Variants in SBK2 observed in about 807,000 individuals in gnomAD.
The protein encoded by SBK2 is SH3 domain binding kinase family member 2.
A neutral mutation model predicts 15.9 loss-of-function variants in SBK2; 18 were observed. That is an observed-to-expected ratio of 1.13 (90% confidence interval 0.78 to 1.68). The LOEUF is 1.68. Ranked by LOEUF, SBK2 falls within the 40% of genes most tolerant of loss-of-function variation. The pLI, the probability that SBK2 is intolerant of heterozygous loss-of-function variation, is 0.00. For missense variants in SBK2, 581 were observed against 510.9 expected, an observed-to-expected ratio of 1.14 and a Z score of -1.32; for synonymous variants, 284 against 246.8, an observed-to-expected ratio of 1.15 and a Z score of -1.41.
Position 55,533,656 on chromosome 19 carries a change from T to C in SBK2, c.254-2311A>G. Among the ~76,000 whole-genome samples the C allele has an allele frequency of 5.4e-3, 2 of 372 alleles. 1 individual carries two copies. The highest frequency in any genetic ancestry group is 0.012 in the Non-Finnish European group (2 of 170). The allele number at this position is 372 out of a possible 152,430, so 0.2% of individuals were successfully genotyped here. On this transcript the variant is annotated intron_variant, in intron 2 of 3. Coordinates refer to ENST00000413299, the MANE Select transcript of SBK2 (RefSeq NM_001370096.2). Reference sequence around the variant, plus strand: ...GCCTGGGCGACAGAGCGAGACTCCGTCTCAAAAAAAAAAAAAAAAAAAAAA... The same window carrying C: ...GCCTGGGCGACAGAGCGAGACTCCGCCTCAAAAAAAAAAAAAAAAAAAAAA...
intron 2 of SBK2, 91 bp downstream of exon 2, chr19:55,535,951 C>T (rs1988385380): frequency 1.6e-6 from 2 of 1,251,772 alleles, no homozygotes; most frequent in African/African-American, 1.6e-5. Flanking sequence ...AGACTTGATT[C>T]AGGCCTGCCA....
rs542381455 is a variant in SBK2 at position 55,529,885 on chromosome 19, C to G, written c.895G>C (p.Ala299Pro). 1.9e-6 allele frequency: 3 copies of G among 1,586,148 alleles called. No individual in the cohort carries two copies. The highest frequency in any genetic ancestry group is 2.3e-5 in the South Asian group (2 of 88,632). The change falls in exon 4 of 4, where the codon GCG becomes CCG. Residue 299 changes from alanine (A) to proline (P), a missense_variant. Physicochemically the swap from Ala to Pro is conservative, Grantham distance 27. Transcript: ENST00000413299. Reference protein sequence around the residue: ...RPQPWFGLAAAADALLRGLLD... With the variant: ...RPQPWFGLAAPADALLRGLLD... ...AGCCCCCGCAGAAGCGCGTCGGCCG[C>G]GGCGGCCAGGCCGAACCAGGGCTGA...
chr19:55,531,871 T>C (rs554084569), intron 2 of SBK2, among the ~76,000 whole-genome samples: 24 of 151,926 alleles, frequency 1.6e-4, no homozygotes, highest in African/African-American at 5.8e-4. Context: ...CCCAGCTACT[T>C]GGCCGGCTGA....
rs1181124744 is a variant in SBK2 at position 55,536,245 on chromosome 19, T to C, written c.50A>G (p.Glu17Gly). ...EEGPAEAGAS[E>G]DSEEEGLGGL... Reference sequence around the variant, plus strand: ...GCCCAGACCCTCCTCCTCGCTGTCCTCCGAAGCCCCTGCCTCCGCCGGCCC... The same window carrying C: ...GCCCAGACCCTCCTCCTCGCTGTCCCCCGAAGCCCCTGCCTCCGCCGGCCC... Residue 17 changes from glutamate (E) to glycine (G), a missense_variant, in exon 2 of 4, where the codon GAG becomes GGG. Glu to Gly is a moderately conservative substitution (Grantham distance 98). Coordinates refer to ENST00000413299, the MANE Select transcript of SBK2 (RefSeq NM_001370096.2). 24 of 1,600,360 alleles carry C rather than the reference T, an allele frequency of 1.5e-5. No homozygotes were observed. Among genetic ancestry groups the C allele is most frequent in the African/African-American group, 1.2e-4 (9 of 74,482 alleles).
intron 1 of SBK2, 41 bp from the exon 2 acceptor site, chr19:55,536,337 C>A (rs1988403483): frequency 2.9e-6 from 4 of 1,375,300 alleles, no homozygotes; most frequent in Non-Finnish European, 3.7e-6. Context: ...AGGTCCCAGG[C>A]CCAAGGGAGG....
At chr19:55,531,958 G>T (rs1032485956) in intron 2 of SBK2, among the ~76,000 whole-genome samples, 11 of 111,130 alleles carry the variant, frequency 9.9e-5, no homozygotes, top group African/African-American at 4.1e-4. Context: ...CAGCCTGGGG[G>T]ACAGAGTGAA....
At chr19:55,533,265 A>G (rs1988315153) in intron 2 of SBK2, among the ~76,000 whole-genome samples, 1 of 151,666 alleles carries the variant, frequency 6.6e-6, no homozygotes, top group South Asian at 2.1e-4. Context: ...CAGGAGGCGG[A>G]GGTTGTAGTG....
In SBK2 at chr19:55,530,743, T is replaced by G. The variant is rs1367341764; in HGVS notation, c.456+400A>C. On this transcript the variant is annotated intron_variant, in intron 3 of 3. Transcript: ENST00000413299. ...ACCTGTGAGGCCTGTGGGTTTAGTG[T>G]GGCTTAGTGTGACCCGTGAGGCCTG... 4.7e-3 allele frequency among the ~76,000 whole-genome samples: 17 copies of G among 3,608 alleles called. 3 individuals carry two copies. The highest frequency in any genetic ancestry group is 7.4e-3 in the African/African-American group (16 of 2,154). 2.4% of individuals were successfully genotyped at this position (3,608 alleles called of 152,430 possible).
At position 55,529,762 on chromosome 19, in the gene SBK2, C is replaced by T; in HGVS notation, c.1018G>A (p.Gly340Arg). 6.2e-7 allele frequency: 1 copy of T among 1,602,662 alleles called. No individual in the cohort carries two copies. Among genetic ancestry groups the T allele is most frequent in the Non-Finnish European group, 8.5e-7 (1 of 1,179,702 alleles). The change falls in exon 4 of 4, where the codon GGA becomes AGA. Residue 340 changes from glycine to arginine, a missense_variant. Gly to Arg is a moderately radical substitution (Grantham distance 125). Coordinates refer to ENST00000413299, the MANE Select transcript of SBK2 (RefSeq NM_001370096.2). The part of the protein sequence containing the change: ...RQREGEAEAV[G>R]AVEEEAGQ ...TGCCCAGCCTCCTCTTCCACCGCTC[C>T]CACTGCCTCCGCCTCGCCCTCCCGC...
At position 55,529,265 on chromosome 19, in the gene SBK2, G is replaced by A. The variant is rs766517398; in HGVS notation, c.*468C>T. 1.3e-5 allele frequency among the ~76,000 whole-genome samples: 2 copies of A among 152,142 alleles called. No individual in the cohort carries two copies. Among genetic ancestry groups the A allele is most frequent in the Non-Finnish European group, 2.9e-5 (2 of 68,038 alleles). On this transcript the variant is annotated 3_prime_UTR_variant, in exon 4 of 4. Coordinates refer to ENST00000413299, the MANE Select transcript of SBK2 (RefSeq NM_001370096.2). ...TTAAAAATTAGCCTAGCGTGGTGGC[G>A]CATGCCTGTAGTCCCAGCTACTCAG... is the stretch of plus-strand genomic sequence containing the variant.
chr19:55,535,189 A>AC (rs1047361403), intron 2 of SBK2, among the ~76,000 whole-genome samples: 3 of 151,614 alleles, frequency 2.0e-5, no homozygotes, highest in Non-Finnish European at 2.9e-5. Context: ...TGCCCGCCCA[A>AC]CCCCCCCAGC....
rs1330626239 is a variant in SBK2, at chr19:55,530,496, CCG to C, written c.457-175_457-174del. Among the ~76,000 whole-genome samples the C allele has an allele frequency of 5.7e-4, 22 of 38,932 alleles. 1 individual carries two copies. Among genetic ancestry groups the C allele is most frequent in the East Asian group, 2.2e-3 (4 of 1,826 alleles). The allele number at this position is 38,932 out of a possible 152,430, so 25.5% of individuals were successfully genotyped here. ...GGGTTTAGTGTGGCCTAGGGTGACCCCGTGAGGCCTAGTGTGACCTGTGAGGC... is the reference window on the plus strand; with the variant it reads ...GGGTTTAGTGTGGCCTAGGGTGACCCTGAGGCCTAGTGTGACCTGTGAGGC... On this transcript the variant is annotated intron_variant, in intron 3 of 3. Transcript: ENST00000413299.
rs1568492522 is a variant in SBK2 at position 55,533,698 on chromosome 19, A to AAAAAAAAAAT, written c.253+2343_253+2344insATTTTTTTTT. ...AAAAAAAAAAAAAAAAAAAAAAAAAAGAAAAAGTTCCTTCCTTATCAAAAA... is the reference window on the plus strand; with the variant it reads ...AAAAAAAAAAAAAAAAAAAAAAAAAAAAAAAAAAATGAAAAAGTTCCTTCCTTATCAAAAA... On this transcript the variant is annotated intron_variant, in intron 2 of 3. Coordinates refer to ENST00000413299, the MANE Select transcript of SBK2 (RefSeq NM_001370096.2). Among the ~76,000 whole-genome samples the AAAAAAAAAAT allele has an allele frequency of 5.7e-5, 4 of 69,574 alleles. 2 individuals are homozygous for AAAAAAAAAAT. Among genetic ancestry groups the AAAAAAAAAAT allele is most frequent in the African/African-American group, 2.5e-4 (4 of 16,182 alleles). The allele number at this position is 69,574 out of a possible 152,430, so 45.6% of individuals were successfully genotyped here. A position where few individuals can be genotyped will look rare whatever the true frequency, so the allele number is the denominator to read the frequency against.
intron 2 of SBK2, among the ~76,000 whole-genome samples, chr19:55,533,400 C>A (rs77330236): frequency 0.038 from 5,753 of 151,446 alleles, 205 homozygotes; most frequent in East Asian, 0.12. Context: ...GTAATCCCAG[C>A]ACTTTGGGAG....
At chr19:55,534,715 AAAAAAG>A (rs1988353849) in intron 2 of SBK2, among the ~76,000 whole-genome samples, 3 of 147,790 alleles carry the variant, frequency 2.0e-5, no homozygotes, top group Admixed American at 6.8e-5. Context: ...AAAAAAAAAA[AAAAAAG>A]AAAAAAAAAG....
intron 2 of SBK2, among the ~76,000 whole-genome samples, chr19:55,533,267 G>A (rs1228462822): frequency 1.3e-5 from 2 of 151,516 alleles, no homozygotes; most frequent in African/African-American, 4.9e-5. Context: ...GGAGGCGGAG[G>A]TTGTAGTGAG....
chr19:55,528,919 G>A lies in SBK2; in HGVS notation c.*814C>T, dbSNP rs1043249525. Among the ~76,000 whole-genome samples the A allele has an allele frequency of 4.6e-5, 7 of 152,198 alleles. No individual in the cohort carries two copies. Among genetic ancestry groups the A allele is most frequent in the Admixed American group, 1.3e-4 (2 of 15,274 alleles). ...CAAAAAATAAGCCATGCAGTTAGAA[G>A]AGGATACACGTCCTAGAGCAACAGC... On this transcript the variant is annotated 3_prime_UTR_variant, in exon 4 of 4. Transcript: ENST00000413299.
Position 55,529,955 on chromosome 19 carries a change from C to G in SBK2, c.825G>C (p.Glu275Asp). The part of the protein sequence containing the change: ...RPLAEADPFY[E>D]DFLIWQASGQ... ...CCGACGCCTGCCAGATGAGGAAGTCCTCGTAGAAGGGGTCGGCCTCGGCCA... is the reference window on the plus strand; with the variant it reads ...CCGACGCCTGCCAGATGAGGAAGTCGTCGTAGAAGGGGTCGGCCTCGGCCA... The change falls in exon 4 of 4, where the codon GAG becomes GAC. Residue 275 changes from glutamate to aspartate, a missense_variant. Glu to Asp is a conservative substitution (Grantham distance 45). Transcript: ENST00000413299. 6.5e-7 allele frequency: 1 copy of G among 1,532,788 alleles called. No homozygotes were observed. The highest frequency in any genetic ancestry group is 8.8e-7 in the Non-Finnish European group (1 of 1,142,178). The allele number at this position is 1,532,788 out of a possible 1,614,324, so 94.9% of individuals were successfully genotyped here.
rs1369433253 is a variant in SBK2, at chr19:55,536,070, G to A, written c.225C>T (p.Arg75=). ...VRPLGQGCYG[R]VLLVTHRQKG... is the part of the protein sequence containing the mutation. ...TCTGACGATGGGTGACCAGAAGGAC[G>A]CGGCCATAGCAACCCTGGCCCAGGG... The change falls in exon 2 of 4, where the codon CGC becomes CGT. Residue 75 remains arginine, a synonymous_variant. Coordinates refer to ENST00000413299, the MANE Select transcript of SBK2 (RefSeq NM_001370096.2). 4 of 1,494,408 alleles carry A rather than the reference G, an allele frequency of 2.7e-6. No individual in the cohort carries two copies. The highest frequency in any genetic ancestry group is 1.4e-5 in the African/African-American group (1 of 70,772). 92.6% of individuals were successfully genotyped at this position (1,494,408 alleles called of 1,614,324 possible). A position where few individuals can be genotyped will look rare whatever the true frequency, so the allele number is the denominator to read the frequency against.
Sources: gnomAD v4.1 joint callset for allele counts (sites outside exome capture counted in the v4.1 genomes callset) on GRCh38, gnomAD v4.1.1 for gene constraint, MANE v1.5 for transcripts, NCBI Gene and HGNC (gene_info 2026-07-23, HGNC 2026-07-21) for gene names.